Variants in NTRK1 observed in about 807,000 individuals in gnomAD.
NTRK1 encodes the protein neurotrophic receptor tyrosine kinase 1.
A neutral mutation model predicts 86.8 loss-of-function variants in NTRK1; 62 were observed. The ratio of observed to expected loss-of-function variants is 0.71; its 90% CI spans 0.58 to 0.88. NTRK1 has a LOEUF of 0.88. Among genes scored for constraint, NTRK1 ranks in the 40% least tolerant of loss-of-function variants. NTRK1 has a pLI of 0.00. For synonymous variants in NTRK1, 469 were observed against 456.6 expected (o/e 1.03, Z -0.35); for missense variants, 967 against 1,078.4 (o/e 0.90, Z 1.45).
At chr1:156,842,017 GCTGT>G in intron 1 of NTRK1, 1 of 1,586,408 alleles carries the variant, frequency 6.3e-7, no homozygotes, top group Non-Finnish European at 8.6e-7. Context: ...GGTCTCACAG[GCTGT>G]CAGGACCAGG....
Position 156,854,538 on chromosome 1 carries a change from A to G in NTRK1, c.51-9816A>G, listed in dbSNP as rs939896670. On this transcript the variant is annotated intron_variant, in intron 2 of 16. Transcript: ENST00000392302. The surrounding 1 kb of genome is among the most constrained non-coding windows in gnomAD (Gnocchi z 4.2). ...AATGAACTCCTGATCCTCTCTCCCA[A>G]GCCCATCTCCCCTTCTTGGTTAATA... Among the ~76,000 whole-genome samples, 2 of 151,354 alleles carry G rather than the reference A, an allele frequency of 1.3e-5. No individual in the cohort carries two copies. Among genetic ancestry groups the G allele is most frequent in the Admixed American group, 1.3e-4 (2 of 15,196 alleles).
upstream of NTRK1, among the ~76,000 whole-genome samples, chr1:156,857,163 ATGTGTGTGTGTGTGTGTGTGTGTG>A (rs57324546): frequency 0.019 from 2,483 of 130,638 alleles, 56 homozygotes; most frequent in African/African-American, 0.059. Context: ...GCAGCTGTGT[ATGTGTGTGTGTGTGTGTGTGTGTG>A]TGTGTGTGTG....
intron 2 of NTRK1, chr1:156,845,045 G>C (rs1654940311): frequency 5.1e-6 from 8 of 1,580,500 alleles, no homozygotes; most frequent in Non-Finnish European, 6.9e-6. Context: ...GTCGGTGATG[G>C]GGGTAGAAGG....
upstream of NTRK1, chr1:156,858,854 A>C (rs898778039): frequency 1.8e-6 from 1 of 569,048 alleles, no homozygotes; most frequent in African/African-American, 1.9e-5. Flanking sequence ...ACTCAGCATG[A>C]GATTGAGAGA....
At chr1:156,839,541 G>A (rs546705519) in intron 1 of NTRK1, among the ~76,000 whole-genome samples, 48 of 152,328 alleles carry the variant, frequency 3.2e-4, no homozygotes, top group African/African-American at 4.1e-4. Flanking sequence ...CTACACGTGC[G>A]ATGAACACTG....
chr1:156,870,040 T>C (rs908739846), intron 6 of NTRK1, among the ~76,000 whole-genome samples: 1 of 152,136 alleles, frequency 6.6e-6, no homozygotes, highest in Non-Finnish European at 1.5e-5. Flanking sequence ...GCTTCAGACA[T>C]GGTGGAGGGA....
At chr1:156,870,434 C>G (rs562297475) in intron 6 of NTRK1, among the ~76,000 whole-genome samples, 1 of 152,292 alleles carries the variant, frequency 6.6e-6, no homozygotes, top group South Asian at 2.1e-4. Flanking sequence ...AGAGGCTGCT[C>G]TCCCTCAGTT....
Position 156,876,584 on chromosome 1 carries a change from T to A in NTRK1, c.1805+12T>A, listed in dbSNP as rs868766138. 3.1e-6 allele frequency: 5 copies of A among 1,608,316 alleles called. No individual in the cohort carries two copies. Among genetic ancestry groups the A allele is most frequent in the Middle Eastern group, 1.7e-4 (1 of 5,724 alleles). On this transcript the variant is annotated intron_variant, in intron 14 of 16. Transcript: ENST00000524377. Reference sequence around the variant, plus strand: ...AACCGCTTCCTCCGGTACCAGCACCTGGCCTCAGCGCTGGCCCCGGCCCCT... The same window carrying A: ...AACCGCTTCCTCCGGTACCAGCACCAGGCCTCAGCGCTGGCCCCGGCCCCT...
At chr1:156,874,120 C>A (rs1159074052) in intron 8 of NTRK1, 161 bp downstream of exon 8, 1 of 905,952 alleles carries the variant, frequency 1.1e-6, no homozygotes, top group Non-Finnish European at 1.7e-6. Context: ...CTTACCCTCT[C>A]CCCAAGCCAG....
Position 156,881,785 on chromosome 1 carries a change from G to A in NTRK1, c.*143G>A. On this transcript the variant is annotated 3_prime_UTR_variant, in exon 17 of 17. Coordinates refer to ENST00000524377, the MANE Select transcript of NTRK1 (RefSeq NM_002529.4). ...GTGGGAAGGGACAGGTGGGGGCTGG[G>A]AGTAGAGGATGTTCCTGCTTCTCTA... The A allele has an allele frequency of 2.5e-6, 2 of 787,478 alleles. No individual in the cohort carries two copies. The highest frequency in any genetic ancestry group is 3.9e-6 in the Non-Finnish European group (2 of 517,132). 48.8% of individuals were successfully genotyped at this position (787,478 alleles called of 1,614,324 possible). A position where few individuals can be genotyped will look rare whatever the true frequency, so the allele number is the denominator to read the frequency against.
chr1:156,847,903 A>C (rs1240971249), intron 2 of NTRK1, among the ~76,000 whole-genome samples: 1 of 152,074 alleles, frequency 6.6e-6, no homozygotes, highest in African/African-American at 2.4e-5. Context: ...AGTTGTGCAG[A>C]TTGTGAAGTG....
chr1:156,876,075 C>T lies in NTRK1; in HGVS notation c.1502-5C>T. 2 of 1,614,220 alleles carry T rather than the reference C, an allele frequency of 1.2e-6. No homozygotes were observed. Among genetic ancestry groups the T allele is most frequent in the South Asian group, 1.1e-5 (1 of 91,086 alleles). On this transcript the variant is annotated splice_polypyrimidine_tract_variant and splice_region_variant and intron_variant, in intron 12 of 16. Coordinates refer to ENST00000524377, the MANE Select transcript of NTRK1 (RefSeq NM_002529.4). ...GCTACCGTCTGACCCTGCAAGCCCC[C>T]TCAGGTGTTCACCACATCAAGCGCC...
chr1:156,849,361 G>A, intron 2 of NTRK1: 1 of 1,613,950 alleles, frequency 6.2e-7, no homozygotes, highest in Middle Eastern at 1.6e-4. Flanking sequence ...GCGGGTTGAA[G>A]GCGAAGTAGA....
chr1:156,819,435 CTGTT>C (rs1301712696), intron 1 of NTRK1, among the ~76,000 whole-genome samples: 5 of 152,052 alleles, frequency 3.3e-5, no homozygotes, highest in African/African-American at 1.2e-4. Flanking sequence ...TGTTTGTTGG[CTGTT>C]TGTATACTTT....
chr1:156,858,713 G>C (rs1655500787), upstream of NTRK1: 1 of 1,074,230 alleles, frequency 9.3e-7, no homozygotes, highest in Non-Finnish European at 1.4e-6. Context: ...ACAGAGACCA[G>C]GGTTCAGATA....
At chr1:156,851,429 G>A (rs201245118) in intron 2 of NTRK1, 2 of 1,614,032 alleles carry the variant, frequency 1.2e-6, no homozygotes, top group Non-Finnish European at 1.7e-6. Flanking sequence ...TGTGGCTCCA[G>A]GTTGTCTAGG....
intron 1 of NTRK1, among the ~76,000 whole-genome samples, chr1:156,822,965 C>T (rs1036574929): frequency 1.1e-4 from 17 of 152,312 alleles, no homozygotes; most frequent in African/African-American, 4.1e-4. Context: ...ATGATCCCAG[C>T]CAGTATAGGA....
rs368564443 is a variant in NTRK1, at chr1:156,868,128, C to T, written c.453C>T (p.His151=). ...QELVLSGNPL[H]CSCALRWLQR... ...GGGTCCTGTCGGGGAACCCTCTGCA[C>T]TGTTCTTGTGCCCTGCGCTGGCTAC... The change falls in exon 5 of 17, where the codon CAC becomes CAT. Residue 151 remains histidine (H), a synonymous_variant. Transcript: ENST00000524377. 5.0e-5 allele frequency: 81 copies of T among 1,613,888 alleles called. No homozygotes were observed. The highest frequency in any genetic ancestry group is 6.4e-5 in the Non-Finnish European group (76 of 1,180,054).
chr1:156,829,613 C>T (rs1414099889), intron 1 of NTRK1, among the ~76,000 whole-genome samples: 1 of 152,148 alleles, frequency 6.6e-6, no homozygotes, highest in East Asian at 1.9e-4. Flanking sequence ...ACTGCTCGCG[C>T]TCAAGTATCC....
Sources: allele counts gnomAD v4.1 joint callset (sites outside exome capture counted in the v4.1 genomes callset), GRCh38; gene constraint gnomAD v4.1.1; non-coding constraint Gnocchi (gnomAD v3.1); transcripts MANE v1.5; gene names NCBI Gene and HGNC (gene_info 2026-07-23, HGNC 2026-07-21).